Variants in SYT9 observed in about 807,000 individuals in gnomAD.
SYT9 encodes the protein synaptotagmin-9.
A neutral mutation model predicts 48.4 loss-of-function variants in SYT9; 22 were observed. That is an observed-to-expected ratio of 0.45 (90% CI 0.32 to 0.65). The LOEUF (loss-of-function observed/expected upper bound fraction) is 0.65. Among genes scored for constraint, SYT9 ranks in the 30% least tolerant of loss-of-function variants. SYT9 has a pLI of 0.03. For synonymous variants in SYT9, 265 were observed against 245.0 expected, an observed-to-expected ratio of 1.08 and a Z score of -0.76; for missense variants, 577 against 622.0, an observed-to-expected ratio of 0.93 and a Z score of 0.77.
intron 6 of SYT9, chr11:7,435,974 T>G (rs537273144): frequency 6.0e-5 from 9 of 149,624 alleles, no homozygotes; most frequent in African/African-American, 2.2e-4. Context: ...GAGCCAGACT[T>G]CATCTAGAAA....
intron 3 of SYT9, among the ~76,000 whole-genome samples, chr11:7,324,068 T>G (rs923581445): frequency 1.3e-5 from 2 of 151,998 alleles, no homozygotes; most frequent in African/African-American, 4.8e-5. Flanking sequence ...CTGGGTCAGA[T>G]ATTTACTTTA....
At chr11:7,457,421 A>G (rs1848167479) in intron 6 of SYT9, 1 of 152,244 alleles carries the variant, frequency 6.6e-6, no homozygotes, top group African/African-American at 2.4e-5. Flanking sequence ...CTCCTTGAGA[A>G]TGGGCCTAAG....
chr11:7,239,282 C>A (rs1847716045), intron 1 of SYT9, among the ~76,000 whole-genome samples: 1 of 152,162 alleles, frequency 6.6e-6, no homozygotes, highest in South Asian at 2.1e-4. Flanking sequence ...AAGATTCTGG[C>A]TCCACTGTTC....
intron 6 of SYT9, among the ~76,000 whole-genome samples, chr11:7,422,426 C>G (rs1847373527): frequency 1.3e-5 from 2 of 152,144 alleles, no homozygotes; most frequent in Non-Finnish European, 2.9e-5. Context: ...CTATGAGCCA[C>G]TTGAGAAGGA....
At chr11:7,238,864 A>G in exon 1 of SYT9, 1 of 456,084 alleles carries the variant, frequency 2.2e-6, no homozygotes, top group Non-Finnish European at 4.4e-6. Context: ...AATGCAGAGA[A>G]CAAATGCTGG....
At chr11:7,279,704 TG>T (rs1848458978) in intron 1 of SYT9, among the ~76,000 whole-genome samples, 1 of 152,230 alleles carries the variant, frequency 6.6e-6, no homozygotes, top group Non-Finnish European at 1.5e-5. Flanking sequence ...TTAGAACCGT[TG>T]CTTCAAAGAT....
At chr11:7,320,394 T>C (rs1412850936) in intron 3 of SYT9, among the ~76,000 whole-genome samples, 1 of 152,218 alleles carries the variant, frequency 6.6e-6, no homozygotes, top group African/African-American at 2.4e-5. Flanking sequence ...TGTAGGTTTT[T>C]CTGGCATTTG....
At chr11:7,430,449 A>AT (rs1482109362) in intron 6 of SYT9, among the ~76,000 whole-genome samples, 5 of 152,154 alleles carry the variant, frequency 3.3e-5, no homozygotes, top group Non-Finnish European at 5.9e-5. Context: ...CAATAGGGTG[A>AT]TTTTTTCCTT....
At chr11:7,310,688 C>T (rs770290422) in intron 2 of SYT9, among the ~76,000 whole-genome samples, 8 of 152,022 alleles carry the variant, frequency 5.3e-5, no homozygotes, top group African/African-American at 1.7e-4. Context: ...CCTCGTGATC[C>T]GCCCACCTTG....
chr11:7,327,983 T>A (rs1477349816), intron 3 of SYT9, among the ~76,000 whole-genome samples: 3 of 121,178 alleles, frequency 2.5e-5, no homozygotes, highest in Admixed American at 1.7e-4. Context: ...GATGACGAGT[T>A]AGTGGGTGCA....
At chr11:7,331,364 C>T (rs746051972) in intron 3 of SYT9, among the ~76,000 whole-genome samples, 5 of 151,362 alleles carry the variant, frequency 3.3e-5, no homozygotes, top group Non-Finnish European at 7.4e-5. Flanking sequence ...AAGTTTTAGA[C>T]AACCAATTAC....
At chr11:7,346,301 G>T (rs984154425) in intron 3 of SYT9, among the ~76,000 whole-genome samples, 4 of 152,340 alleles carry the variant, frequency 2.6e-5, no homozygotes, top group African/African-American at 9.6e-5. Context: ...AGAGCCAGTA[G>T]TGGGGAAGCC....
At chr11:7,412,964 TACTGAGAAG>T (rs1273021221) in intron 3 of SYT9, among the ~76,000 whole-genome samples, 1 of 152,136 alleles carries the variant, frequency 6.6e-6, no homozygotes, top group Non-Finnish European at 1.5e-5. Context: ...CATGCTCAAG[TACTGAGAAG>T]ACAGGACTAG....
At chr11:7,310,745 T>C (rs538426834) in intron 2 of SYT9, among the ~76,000 whole-genome samples, 215 of 152,110 alleles carry the variant, frequency 1.4e-3, no homozygotes, top group Non-Finnish European at 2.7e-3. Flanking sequence ...TGCACCCGGC[T>C]TGTGATTGGT....
intron 1 of SYT9, among the ~76,000 whole-genome samples, chr11:7,281,629 T>C (rs1262712193): frequency 1.3e-5 from 2 of 152,192 alleles, no homozygotes; most frequent in Admixed American, 6.5e-5. Flanking sequence ...ATAGAATTTA[T>C]TTGATGTGTA....
intron 1 of SYT9, among the ~76,000 whole-genome samples, chr11:7,298,542 C>T (rs1848853935): frequency 1.3e-5 from 2 of 152,010 alleles, no homozygotes; most frequent in Non-Finnish European, 2.9e-5. Context: ...TTTATGTGTT[C>T]TTCCTGGCCC....
intron 3 of SYT9, among the ~76,000 whole-genome samples, chr11:7,364,051 T>C (rs765341): frequency 6.6e-6 from 1 of 152,056 alleles, no homozygotes; most frequent in African/African-American, 2.4e-5. Context: ...TGTTTAAATA[T>C]TAATACAGAG....
At chr11:7,354,425 T>C (rs1849978228) in intron 3 of SYT9, among the ~76,000 whole-genome samples, 1 of 152,150 alleles carries the variant, frequency 6.6e-6, no homozygotes, top group Non-Finnish European at 1.5e-5. Context: ...AGAACCAACA[T>C]CTGTTTTTTT....
At chr11:7,402,804 GTTA>G (rs1367730272) in intron 3 of SYT9, among the ~76,000 whole-genome samples, 3 of 152,068 alleles carry the variant, frequency 2.0e-5, no homozygotes, top group Non-Finnish European at 4.4e-5. Flanking sequence ...TTCAACTGAA[GTTA>G]TTAAGTATAC....
Sources: gnomAD v4.1 joint callset for allele counts (sites outside exome capture counted in the v4.1 genomes callset) on GRCh38, gnomAD v4.1.1 for gene constraint, MANE v1.5 for transcripts, NCBI Gene and HGNC (gene_info 2026-07-23, HGNC 2026-07-21) for gene names.